The following RALGPS2 variants were observed in gnomAD, a reference collection of about 807,000 sequenced individuals.
RALGPS2 encodes the protein Ral GEF with PH domain and SH3 binding motif 2.
In RALGPS2, 43 loss-of-function variants were observed where a neutral mutation model predicts 86.8. The observed-to-expected ratio is 0.50, with a 90% CI of 0.39 to 0.64. The LOEUF (loss-of-function observed/expected upper bound fraction) is 0.64. Among genes scored for constraint, RALGPS2 ranks in the 30% least tolerant of loss-of-function variants. RALGPS2 has a pLI of 0.00. For missense variants in RALGPS2, 536 were observed against 694.6 expected (o/e 0.77, Z 2.57); for synonymous variants, 243 against 231.3 (o/e 1.05, Z -0.46).
chr1:178,779,783 G>T (rs927929132), intron 2 of RALGPS2, among the ~76,000 whole-genome samples: 23 of 152,198 alleles, frequency 1.5e-4, no homozygotes, highest in African/African-American at 5.3e-4. Flanking sequence ...GCCCAGGCTG[G>T]AGTGCAGTGG....
intron 4 of RALGPS2, among the ~76,000 whole-genome samples, chr1:178,787,874 G>A (rs1056590554): frequency 1.1e-4 from 16 of 152,064 alleles, no homozygotes; most frequent in Non-Finnish European, 1.6e-4. Context: ...CCCTCTAAAT[G>A]CTTTTTTACC....
At chr1:178,881,618 T>C (rs1572445930) in intron 10 of RALGPS2, among the ~76,000 whole-genome samples, 1 of 152,028 alleles carries the variant, frequency 6.6e-6, no homozygotes, top group East Asian at 1.9e-4. Flanking sequence ...GCCCGGCTAA[T>C]TTTTGTATTT....
chr1:178,848,604 T>A (rs922930770), intron 8 of RALGPS2, among the ~76,000 whole-genome samples: 1 of 152,198 alleles, frequency 6.6e-6, no homozygotes, highest in African/African-American at 2.4e-5. Context: ...CTTTGTTAGA[T>A]TTGCAAGTGA....
chr1:178,881,202 A>G (rs1373401523), intron 10 of RALGPS2, among the ~76,000 whole-genome samples: 1 of 152,202 alleles, frequency 6.6e-6, no homozygotes, highest in Non-Finnish European at 1.5e-5. Context: ...CTATGGAAAC[A>G]TAGATAAGGG....
chr1:178,758,346 C>T (rs1283800063), intron 1 of RALGPS2, among the ~76,000 whole-genome samples: 2 of 152,040 alleles, frequency 1.3e-5, no homozygotes, highest in African/African-American at 4.8e-5. Flanking sequence ...ATAATCATCT[C>T]GTGGTAAATG....
intron 1 of RALGPS2, among the ~76,000 whole-genome samples, chr1:178,766,303 A>G (rs1200518337): frequency 6.6e-6 from 1 of 151,962 alleles, no homozygotes; most frequent in Non-Finnish European, 1.5e-5. Flanking sequence ...TCATTGCACA[A>G]CCACCTCCTG....
At chr1:178,894,770 A>T (rs762218805) in intron 16 of RALGPS2, among the ~76,000 whole-genome samples, 1 of 152,072 alleles carries the variant, frequency 6.6e-6, no homozygotes, top group Non-Finnish European at 1.5e-5. Context: ...AAATGTTATT[A>T]TATGTGCCAT....
At chr1:178,788,119 G>A (rs891005125) in intron 4 of RALGPS2, among the ~76,000 whole-genome samples, 6 of 152,138 alleles carry the variant, frequency 3.9e-5, no homozygotes, top group African/African-American at 1.4e-4. Context: ...CACTGAGCCT[G>A]TGCACATCCT....
intron 8 of RALGPS2, among the ~76,000 whole-genome samples, chr1:178,839,706 A>G (rs542727867): frequency 1.3e-5 from 2 of 152,222 alleles, no homozygotes; most frequent in Admixed American, 6.5e-5. Context: ...ATTAAAAGAC[A>G]CAGACTGGCA....
chr1:178,853,449 T>C (rs1486956686), intron 8 of RALGPS2: 1 of 756,114 alleles, frequency 1.3e-6, no homozygotes, highest in African/African-American at 1.9e-5. Context: ...ATGAGAATCA[T>C]TTTTTTGACA....
chr1:178,800,779 T>C (rs1481056036), intron 4 of RALGPS2, among the ~76,000 whole-genome samples: 3 of 152,098 alleles, frequency 2.0e-5, no homozygotes, highest in Non-Finnish European at 4.4e-5. Flanking sequence ...TCAACTGTAT[T>C]TACTACTCTT....
chr1:178,878,077 G>GT (rs1183248597), intron 9 of RALGPS2, among the ~76,000 whole-genome samples: 2 of 152,068 alleles, frequency 1.3e-5, no homozygotes, highest in African/African-American at 4.8e-5. Context: ...AATTAGGGAA[G>GT]TATAGCTGAG....
chr1:178,854,503 A>G lies in RALGPS2; in HGVS notation c.607+20953A>G, dbSNP rs141918348. On this transcript the variant is annotated intron_variant, in intron 8 of 19. Coordinates refer to ENST00000367635, the MANE Select transcript of RALGPS2 (RefSeq NM_152663.5). ...CTCATAGAATCTTAAATTTCCCCCA[A>G]CAACACTTACTAACAGCCCATGAGA... 9.2e-3 allele frequency among the ~76,000 whole-genome samples: 1,397 copies of G among 152,244 alleles called. 26 individuals carry two copies. The highest frequency in any genetic ancestry group is 0.03 in the African/African-American group (1,227 of 41,566).
intron 1 of RALGPS2, chr1:178,747,000 A>G: frequency 1.1e-6 from 1 of 927,252 alleles, no homozygotes; most frequent in Non-Finnish European, 1.8e-6. Flanking sequence ...GTATACTAGA[A>G]TCTCCCTTTA....
At chr1:178,738,203 CTTTTTTTTTTT>C (rs1051296802) in intron 1 of RALGPS2, among the ~76,000 whole-genome samples, 2 of 110,728 alleles carry the variant, frequency 1.8e-5, no homozygotes, top group East Asian at 2.8e-4. Flanking sequence ...AGATGGATAT[CTTTTTTTTTTT>C]TTTTTTTTTT....
Position 178,892,285 on chromosome 1 carries a change from C to G in RALGPS2, c.1303C>G (p.Arg435Gly). The G allele has an allele frequency of 9.3e-6, 15 of 1,612,640 alleles. No homozygotes were observed. The highest frequency in any genetic ancestry group is 1.2e-5 in the Non-Finnish European group (14 of 1,179,070). The change falls in exon 15 of 20, where the codon CGA becomes GGA. Residue 435 changes from arginine (R) to glycine (G), a missense_variant. Arg to Gly is a moderately radical substitution (Grantham distance 125). This residue lies in a region of RALGPS2 where 309 missense variants were observed against 363.0 expected (regional missense o/e 0.85). Coordinates refer to ENST00000367635, the MANE Select transcript of RALGPS2 (RefSeq NM_152663.5). ...PVTRVARNGY[R>G]SHMKASSSAE... The stretch of plus-strand genomic sequence containing the variant: ...GACAAGAGTGGCACGAAATGGCTAT[C>G]GAAGTCACATGAAGGCCAGCAGGTA...
At chr1:178,904,938 G>T (rs952369482) in intron 18 of RALGPS2, among the ~76,000 whole-genome samples, 1 of 152,090 alleles carries the variant, frequency 6.6e-6, no homozygotes, top group Admixed American at 6.5e-5. Flanking sequence ...TTTTGCTTTT[G>T]GCAGTATAGT....
intron 17 of RALGPS2, among the ~76,000 whole-genome samples, chr1:178,901,298 G>A (rs1351310952): frequency 6.6e-6 from 1 of 152,042 alleles, no homozygotes; most frequent in Non-Finnish European, 1.5e-5. Context: ...CTTCTTCCCT[G>A]TCAACCATAT....
At chr1:178,784,635 G>A (rs1412828169) in intron 3 of RALGPS2, 113 bp downstream of exon 3, 2 of 654,618 alleles carry the variant, frequency 3.1e-6, no homozygotes, top group Non-Finnish European at 2.4e-6. Context: ...ACCTGGATAT[G>A]GGAATTATTG....
Sources: gnomAD v4.1 joint callset for allele counts (sites outside exome capture counted in the v4.1 genomes callset) on GRCh38, gnomAD v4.1.1 for gene constraint, gnomAD v4.1.1 regional missense constraint, MANE v1.5 for transcripts, NCBI Gene and HGNC (gene_info 2026-07-23, HGNC 2026-07-21) for gene names.